FBL: variants seen among roughly 807,000 people sequenced by gnomAD.
FBL encodes fibrillarin rRNA 2'-O-methyltransferase.
FBL carries 10 observed loss-of-function variants against 42.2 expected under a neutral mutation model. That is an observed-to-expected ratio of 0.24 (90% CI 0.15 to 0.40). The LOEUF (loss-of-function observed/expected upper bound fraction) is 0.40. Among genes scored for constraint, FBL ranks in the 10% least tolerant of loss-of-function variants. FBL has a pLI of 1.00. For synonymous variants in FBL, 165 were observed against 165.4 expected (o/e 1.00, Z 0.02); for missense variants, 351 against 439.2 (o/e 0.80, Z 1.79).
chr19:39,846,260 C>A, intron 1 of FBL, 31 bp downstream of exon 1: 1 of 1,613,544 alleles, frequency 6.2e-7, no homozygotes, highest in Non-Finnish European at 8.5e-7. Flanking sequence ...CGGCCTCCGT[C>A]CCTGACCCCG....
At position 39,834,513 on chromosome 19, in the gene FBL, C is replaced by G. The variant is rs1252201696; in HGVS notation, c.*25G>C. The G allele has an allele frequency of 6.2e-7, 1 of 1,613,860 alleles. No homozygotes were observed. On this transcript the variant is annotated 3_prime_UTR_variant, in exon 9 of 9. Transcript: ENST00000221801. Reference sequence around the variant, plus strand: ...CGTGCAACAGTATCAACACACATCTCTCGCAATCCTGACAGCGCTGAACTT... The same window carrying G: ...CGTGCAACAGTATCAACACACATCTGTCGCAATCCTGACAGCGCTGAACTT...
In FBL at chr19:39,839,188, A is replaced by G. The variant is rs1599656814; in HGVS notation, c.396T>C (p.Ile132=). The change falls in exon 5 of 9, where the codon ATT becomes ATC. Residue 132 remains isoleucine (I), a synonymous_variant. Transcript: ENST00000221801. Reference sequence around the variant, plus strand: ...GGAAGGGGTTCCAGGCTCGGTACTCAATTTTGTCATCTCCTTCCTAGATGA... The same window carrying G: ...GGAAGGGGTTCCAGGCTCGGTACTCGATTTTGTCATCTCCTTCCTAGATGA... The part of the protein sequence containing the change: ...RVSISEGDDK[I]EYRAWNPFRS... 5 of 1,611,866 alleles carry G rather than the reference A, an allele frequency of 3.1e-6. No homozygotes were observed. The highest frequency in any genetic ancestry group is 4.2e-6 in the Non-Finnish European group (5 of 1,178,796).
At chr19:39,843,160 T>C (rs745808762) in intron 1 of FBL, among the ~76,000 whole-genome samples, 21 of 152,294 alleles carry the variant, frequency 1.4e-4, no homozygotes, top group Non-Finnish European at 2.6e-4. Context: ...AAGCTCCAAA[T>C]GGGCAGGGAT....
At chr19:39,837,590 T>C in intron 6 of FBL, 121 bp downstream of exon 6, 1 of 902,672 alleles carries the variant, frequency 1.1e-6, no homozygotes, top group Non-Finnish European at 1.6e-6. Context: ...TTTCTATTCC[T>C]GCAGACTCAA....
At chr19:39,836,408 C>T (rs970580515) in intron 7 of FBL, 148 bp downstream of exon 7, 9 of 506,218 alleles carry the variant, frequency 1.8e-5, no homozygotes, top group African/African-American at 5.9e-5. Flanking sequence ...TGCACTTGAC[C>T]GCTGCACTCT....
In FBL at chr19:39,834,516, G is replaced by A. The variant is rs562729492; in HGVS notation, c.*22C>T. ...GCAACAGTATCAACACACATCTCTC[G>A]CAATCCTGACAGCGCTGAACTTCAG... On this transcript the variant is annotated 3_prime_UTR_variant, in exon 9 of 9. Coordinates refer to ENST00000221801, the MANE Select transcript of FBL (RefSeq NM_001436.4). The A allele has an allele frequency of 1.1e-5, 18 of 1,613,730 alleles. No homozygotes were observed. Among genetic ancestry groups the A allele is most frequent in the Non-Finnish European group, 1.5e-5 (18 of 1,179,814 alleles).
In FBL at chr19:39,836,547, A is replaced by AC. The variant is rs1345026273; in HGVS notation, c.795+8dup. ...GCCACCCCATCTTAGACTCTTCCAA[A>AC]CCCCGCACCTTAATGGAAATCACAA... is the stretch of plus-strand genomic sequence containing the variant. On this transcript the variant is annotated intron_variant, in intron 7 of 8. Coordinates refer to ENST00000221801, the MANE Select transcript of FBL (RefSeq NM_001436.4). 2 of 1,593,526 alleles carry AC rather than the reference A, an allele frequency of 1.3e-6. No homozygotes were observed. Among genetic ancestry groups the AC allele is most frequent in the Non-Finnish European group, 1.7e-6 (2 of 1,161,718 alleles).
chr19:39,840,347 C>T lies in FBL; in HGVS notation c.284-20G>A. ...AGACACCTGGGTGAGGGGATCAGAG[C>T]AGGGGTGAGGACCCCCAGCCTCTCC... is the stretch of plus-strand genomic sequence containing the variant. On this transcript the variant is annotated intron_variant, in intron 3 of 8. Transcript: ENST00000221801. This position sits in a 1 kb window ranked among gnomAD's most constrained non-coding sequence, Gnocchi z 4.5. The T allele has an allele frequency of 6.2e-7, 1 of 1,612,816 alleles. No individual in the cohort carries two copies.
At chr19:39,835,073 T>C (rs1295286376) in intron 7 of FBL, among the ~76,000 whole-genome samples, 2 of 152,222 alleles carry the variant, frequency 1.3e-5, no homozygotes, top group Non-Finnish European at 2.9e-5. Context: ...AGTGGGTTGC[T>C]GATTAAAAGG....
intron 6 of FBL, 23 bp downstream of exon 6, chr19:39,837,688 G>A (rs902323956): frequency 1.1e-5 from 17 of 1,537,666 alleles, no homozygotes; most frequent in East Asian, 2.4e-5. Context: ...CTACCCCACC[G>A]GGGCCACCCC....
chr19:39,840,762 A>C lies in FBL; in HGVS notation c.36T>G (p.Phe12Leu). The stretch of plus-strand genomic sequence containing the variant: ...GGTCACCAAAGCCCCCTCGGCCGCC[A>C]AAGCCACCCCCACGGGGACTGAATC... Reference protein sequence around the residue: ...KPGFSPRGGGFGGRGGFGDRG... With the variant: ...KPGFSPRGGGLGGRGGFGDRG... The change falls in exon 2 of 9, where the codon TTT becomes TTG. Residue 12 changes from phenylalanine to leucine, a missense_variant. By Grantham distance (22) the Phe-to-Leu change is conservative. Coordinates refer to ENST00000221801, the MANE Select transcript of FBL (RefSeq NM_001436.4). The surrounding 1 kb of genome is among the most constrained non-coding windows in gnomAD (Gnocchi z 4.5). The C allele has an allele frequency of 1.3e-6, 2 of 1,569,122 alleles. No individual in the cohort carries two copies. The highest frequency in any genetic ancestry group is 1.7e-6 in the Non-Finnish European group (2 of 1,156,752).
chr19:39,836,779 CCA>C, intron 6 of FBL, 111 bp from the exon 7 acceptor site: 2 of 716,812 alleles, frequency 2.8e-6, no homozygotes, highest in Non-Finnish European at 4.6e-6. Flanking sequence ...CTCCCTGCCT[CCA>C]GTTTCACTCC....
chr19:39,834,890 T>TTTTC, intron 7 of FBL, 77 bp from the exon 8 acceptor site: 1 of 1,462,450 alleles, frequency 6.8e-7, no homozygotes, highest in Admixed American at 1.8e-5. Context: ...AAACCAGATG[T>TTTTC]TTTCATTATT....
intron 1 of FBL, among the ~76,000 whole-genome samples, chr19:39,844,377 A>G (rs1327392502): frequency 6.6e-6 from 1 of 151,964 alleles, no homozygotes; most frequent in Non-Finnish European, 1.5e-5. Context: ...AATCCGTTTC[A>G]GGTCCTGGAG....
chr19:39,837,038 A>C (rs1457855642), intron 6 of FBL, among the ~76,000 whole-genome samples: 1 of 152,238 alleles, frequency 6.6e-6, no homozygotes, highest in African/African-American at 2.4e-5. Flanking sequence ...TATAGGCAAG[A>C]GTGTCCGCAG....
intron 1 of FBL, 22 bp downstream of exon 1, chr19:39,846,269 C>G (rs370831969): frequency 5.0e-6 from 8 of 1,613,670 alleles, no homozygotes; most frequent in African/African-American, 1.3e-5. Flanking sequence ...TCCCTGACCC[C>G]GGACCCTCAC....
chr19:39,839,567 T>C (rs988347304), intron 4 of FBL, among the ~76,000 whole-genome samples: 5 of 151,480 alleles, frequency 3.3e-5, no homozygotes, highest in Non-Finnish European at 7.4e-5. Context: ...CAACATGGCA[T>C]ATGAGATGGT....
intron 6 of FBL, 40 bp downstream of exon 6, chr19:39,837,671 G>T (rs774423491): frequency 6.6e-7 from 1 of 1,504,040 alleles, no homozygotes; most frequent in Admixed American, 2.4e-5. Context: ...GCCTGCGGTG[G>T]CCTGTCCTAC....
intron 1 of FBL, among the ~76,000 whole-genome samples, chr19:39,845,436 C>T: frequency 6.6e-6 from 1 of 152,160 alleles, no homozygotes; most frequent in East Asian, 1.9e-4. Context: ...GAGGTAAAGC[C>T]ACTTGCCCAA....
Sources: gnomAD v4.1 joint callset for allele counts (sites outside exome capture counted in the v4.1 genomes callset) on GRCh38, gnomAD v4.1.1 for gene constraint, Gnocchi (gnomAD v3.1) non-coding constraint, MANE v1.5 for transcripts, NCBI Gene and HGNC (gene_info 2026-07-23, HGNC 2026-07-21) for gene names.